Variants in NEDD9 observed in about 807,000 individuals in gnomAD.
NEDD9 encodes the protein neural precursor cell expressed, developmentally down-regulated 9.
A neutral mutation model predicts 76.6 loss-of-function variants in NEDD9; 26 were observed. The observed-to-expected ratio is 0.34, with a 90% CI of 0.25 to 0.47. The LOEUF is 0.47. Among genes scored for constraint, NEDD9 ranks in the 20% least tolerant of loss-of-function variants. NEDD9 has a pLI of 1.00. For synonymous variants in NEDD9, 392 were observed against 414.2 expected (o/e 0.95, Z 0.65); for missense variants, 937 against 1,058.5 (o/e 0.89, Z 1.59).
intron 6 of NEDD9, among the ~76,000 whole-genome samples, chr6:11,186,807 G>A (rs1041346852): frequency 1.3e-5 from 2 of 152,108 alleles, no homozygotes; most frequent in South Asian, 2.1e-4. Flanking sequence ...TTAGTGAGAC[G>A]GGGTTTCATT....
chr6:11,336,711 T>A (rs1235839746), intron 1 of NEDD9, among the ~76,000 whole-genome samples: 1 of 152,200 alleles, frequency 6.6e-6, no homozygotes, highest in Non-Finnish European at 1.5e-5. Context: ...CAATAATAAA[T>A]TACCCTTAGC....
intron 1 of NEDD9, among the ~76,000 whole-genome samples, chr6:11,334,724 GTTTAT>G (rs1203963216): frequency 6.6e-6 from 1 of 152,146 alleles, no homozygotes; most frequent in Non-Finnish European, 1.5e-5. Context: ...ACTACTTGCT[GTTTAT>G]TTTATGTTTA....
intron 3 of NEDD9, among the ~76,000 whole-genome samples, chr6:11,296,292 G>A (rs1760883330): frequency 6.6e-6 from 1 of 152,148 alleles, no homozygotes; most frequent in African/African-American, 2.4e-5. Context: ...CGGATTTAGA[G>A]GTTCTTCGTT....
intron 3 of NEDD9, among the ~76,000 whole-genome samples, chr6:11,297,911 C>T (rs200963982): frequency 5.0e-5 from 7 of 140,628 alleles, no homozygotes; most frequent in South Asian, 2.2e-4. Context: ...TTTTTCTTTT[C>T]TTTTTTTTTT....
intron 3 of NEDD9, among the ~76,000 whole-genome samples, chr6:11,249,821 T>A (rs1171081665): frequency 6.6e-6 from 1 of 152,238 alleles, no homozygotes; most frequent in East Asian, 1.9e-4. Flanking sequence ...TGCATTTCCC[T>A]CTTCCTGCCC....
At chr6:11,377,854 G>A (rs1239644004) in intron 1 of NEDD9, among the ~76,000 whole-genome samples, 1 of 152,190 alleles carries the variant, frequency 6.6e-6, no homozygotes, top group Non-Finnish European at 1.5e-5. Flanking sequence ...GGATCTAGTG[G>A]GAGGTATTGG....
intron 2 of NEDD9, among the ~76,000 whole-genome samples, chr6:11,203,490 A>T (rs1758516532): frequency 6.6e-6 from 1 of 152,186 alleles, no homozygotes; most frequent in Non-Finnish European, 1.5e-5. Flanking sequence ...GAGAACGCTC[A>T]GGTTTAGTTG....
At chr6:11,306,431 T>C (rs1761186161) in intron 2 of NEDD9, among the ~76,000 whole-genome samples, 1 of 152,222 alleles carries the variant, frequency 6.6e-6, no homozygotes. Flanking sequence ...AATAAAATGT[T>C]ACATCATTTC....
In NEDD9 at chr6:11,331,648, C is replaced by T. The variant is rs1247613552; in HGVS notation, c.-153+2853G>A. Among the ~76,000 whole-genome samples, 3 of 152,170 alleles carry T rather than the reference C, an allele frequency of 2.0e-5. No individual in the cohort carries two copies. In the East Asian group the frequency reaches 5.8e-4, roughly 29 times the overall value. ...GATTAGCATAGGAGGTGCTCCATCT[C>T]CTTCCAAAAACGACCCCTTGCCATT... On this transcript the variant is annotated intron_variant, in intron 2 of 3. Coordinates refer to the NEDD9 transcript ENST00000397378.
At chr6:11,331,170 T>C (rs1480994525) in intron 2 of NEDD9, among the ~76,000 whole-genome samples, 1 of 152,178 alleles carries the variant, frequency 6.6e-6, no homozygotes, top group Non-Finnish European at 1.5e-5. Flanking sequence ...GTGATCTCCA[T>C]GGGGAACAGT....
chr6:11,285,757 G>T (rs554409497), intron 3 of NEDD9, among the ~76,000 whole-genome samples: 2 of 152,274 alleles, frequency 1.3e-5, no homozygotes, highest in South Asian at 2.1e-4. Context: ...AACTTTAGTG[G>T]AGAAACATAG....
intron 1 of NEDD9, among the ~76,000 whole-genome samples, chr6:11,354,082 T>C (rs1422195550): frequency 6.6e-6 from 1 of 152,132 alleles, no homozygotes; most frequent in Non-Finnish European, 1.5e-5. Context: ...ACTGAAAGAA[T>C]AAAGCAAGCA....
Position 11,185,078 on chromosome 6 carries a change from T to TATTTATATTTTGTAAATGTA in NEDD9, c.*83_*84insTACATTTACAAAATATAAAT. On this transcript the variant is annotated 3_prime_UTR_variant, in exon 7 of 7. Coordinates refer to ENST00000379446, the MANE Select transcript of NEDD9 (RefSeq NM_006403.4). ...TTTTTATATAAAATATCTACAAAAA[T>TATTTATATTTTGTAAATGTA]AGATAACATTTACAAAAACCAGACA... 1 of 1,415,514 alleles carries TATTTATATTTTGTAAATGTA rather than the reference T, an allele frequency of 7.1e-7. No individual in the cohort carries two copies. Among genetic ancestry groups the TATTTATATTTTGTAAATGTA allele is most frequent in the South Asian group, 1.5e-5 (1 of 67,412 alleles). 87.7% of individuals were successfully genotyped at this position (1,415,514 alleles called of 1,614,324 possible).
chr6:11,342,794 T>C (rs1050768267), intron 1 of NEDD9, among the ~76,000 whole-genome samples: 1 of 151,958 alleles, frequency 6.6e-6, no homozygotes, highest in Non-Finnish European at 1.5e-5. Context: ...GACTCAGTAA[T>C]AAAAAAATAA....
chr6:11,284,599 A>G (rs1007384574), intron 3 of NEDD9, among the ~76,000 whole-genome samples: 2 of 151,378 alleles, frequency 1.3e-5, no homozygotes, highest in Non-Finnish European at 2.9e-5. Context: ...AAGAACAAAC[A>G]GACCTACTTC....
At chr6:11,317,521 T>G (rs1257267835) in intron 2 of NEDD9, among the ~76,000 whole-genome samples, 2 of 151,754 alleles carry the variant, frequency 1.3e-5, no homozygotes, top group African/African-American at 4.8e-5. Context: ...AAGGAGAGAT[T>G]CAGGATGGTG....
chr6:11,199,347 C>T (rs946520879), intron 2 of NEDD9: 5 of 152,238 alleles, frequency 3.3e-5, no homozygotes, highest in African/African-American at 1.2e-4. Context: ...GGTTCTACCA[C>T]TCACAAGCTA....
intron 2 of NEDD9, among the ~76,000 whole-genome samples, chr6:11,310,877 A>G (rs1761343952): frequency 6.6e-6 from 1 of 152,038 alleles, no homozygotes; most frequent in African/African-American, 2.4e-5. Flanking sequence ...TCCCTCCTCC[A>G]CATCTGCAGA....
intron 1 of NEDD9, among the ~76,000 whole-genome samples, chr6:11,337,530 TTTCAGC>T (rs1762187726): frequency 6.6e-6 from 1 of 152,156 alleles, no homozygotes; most frequent in Non-Finnish European, 1.5e-5. Context: ...GATAGGAAAT[TTTCAGC>T]TTCATCATAG....
Sources: allele counts gnomAD v4.1 joint callset (sites outside exome capture counted in the v4.1 genomes callset), GRCh38; gene constraint gnomAD v4.1.1; transcripts MANE v1.5; gene names NCBI Gene and HGNC (gene_info 2026-07-23, HGNC 2026-07-21).